KCNMB2: variants seen among roughly 807,000 people sequenced by gnomAD.
The protein encoded by KCNMB2 is potassium calcium-activated channel subfamily M regulatory beta subunit 2.
In KCNMB2, 9 loss-of-function variants were observed where a neutral mutation model predicts 24.5. That is an observed-to-expected ratio of 0.37 (90% CI 0.22 to 0.64). The LOEUF (loss-of-function observed/expected upper bound fraction) is 0.64, where lower values mean the gene tolerates loss of function less well. Ranked by LOEUF, KCNMB2 falls within the 30% of genes least tolerant of loss-of-function variation. The probability of loss-of-function intolerance (pLI) is 0.63; values close to 1 mark genes in which losing one functional copy is unlikely to be tolerated. For missense variants in KCNMB2, 226 were observed against 284.3 expected (o/e 0.79, Z 1.47); for synonymous variants, 109 against 104.4 (o/e 1.04, Z -0.27).
intron 1 of KCNMB2, chr3:178,747,160 T>A (rs1232917924): frequency 2.0e-5 from 3 of 152,748 alleles, no homozygotes; most frequent in African/African-American, 7.2e-5. Context: ...CAGTTCCACA[T>A]GGCTGGGGAA....
At chr3:178,744,077 G>C (rs894378814) in intron 1 of KCNMB2, among the ~76,000 whole-genome samples, 1 of 152,188 alleles carries the variant, frequency 6.6e-6, no homozygotes, top group African/African-American at 2.4e-5. Context: ...TTAACTACCT[G>C]CAGAGATGGA....
intron 1 of KCNMB2, among the ~76,000 whole-genome samples, chr3:178,727,208 T>C (rs1722993952): frequency 6.6e-6 from 1 of 152,112 alleles, no homozygotes; most frequent in Non-Finnish European, 1.5e-5. Context: ...TCAATACATA[T>C]TGCTCTCATC....
chr3:178,641,239 G>T lies in KCNMB2; in HGVS notation c.-68+104528G>T, dbSNP rs575176435. ...GTCAATATCTACAAAACAGCTTCCTGGAATTTTGACTGATATTGTGTTAAC... is the reference window on the plus strand; with the variant it reads ...GTCAATATCTACAAAACAGCTTCCTTGAATTTTGACTGATATTGTGTTAAC... On this transcript the variant is annotated intron_variant, in intron 1 of 4. Transcript: ENST00000452583. Among the ~76,000 whole-genome samples the T allele has an allele frequency of 5.9e-5, 9 of 152,122 alleles. No homozygotes were observed. The South Asian group carries it at 1.0e-3, about 18-fold the overall frequency.
intron 2 of KCNMB2, among the ~76,000 whole-genome samples, chr3:178,814,031 G>A (rs1714306117): frequency 1.3e-5 from 2 of 152,070 alleles, no homozygotes; most frequent in Non-Finnish European, 2.9e-5. Flanking sequence ...GGAGGTACAT[G>A]TGCAAGATTT....
At chr3:178,676,753 G>T (rs150425914) in intron 1 of KCNMB2, among the ~76,000 whole-genome samples, 10 of 150,194 alleles carry the variant, frequency 6.7e-5, no homozygotes, top group Non-Finnish European at 1.3e-4. Context: ...CAATATACTT[G>T]CATGCTACAC....
chr3:178,736,361 C>A (rs985490803), intron 1 of KCNMB2, among the ~76,000 whole-genome samples: 1 of 152,132 alleles, frequency 6.6e-6, no homozygotes, highest in African/African-American at 2.4e-5. Context: ...CTTTAAAGGG[C>A]CTGCTTCTGA....
intron 2 of KCNMB2, among the ~76,000 whole-genome samples, chr3:178,815,993 G>A (rs188795862): frequency 6.6e-6 from 1 of 151,808 alleles, no homozygotes; most frequent in Admixed American, 6.5e-5. Context: ...GTATTGTTCT[G>A]ATTTGGTTTT....
intron 1 of KCNMB2, among the ~76,000 whole-genome samples, chr3:178,596,630 C>G (rs531386843): frequency 4.6e-5 from 7 of 152,168 alleles, no homozygotes; most frequent in African/African-American, 1.7e-4. Context: ...TTCTTTCTGC[C>G]TTAAAAGAGT....
At chr3:178,617,461 G>A (rs1445951585) in intron 1 of KCNMB2, among the ~76,000 whole-genome samples, 1 of 152,046 alleles carries the variant, frequency 6.6e-6, no homozygotes, top group African/African-American at 2.4e-5. Context: ...AGGAGGCTGA[G>A]GCAGGAGAAT....
intron 1 of KCNMB2, among the ~76,000 whole-genome samples, chr3:178,785,950 A>G (rs922907229): frequency 6.6e-6 from 1 of 152,176 alleles, no homozygotes; most frequent in Non-Finnish European, 1.5e-5. Context: ...AGACAAGAGT[A>G]TTAAGACTCA....
intron 1 of KCNMB2, among the ~76,000 whole-genome samples, chr3:178,644,899 CTAGAT>C: frequency 6.6e-6 from 1 of 152,112 alleles, no homozygotes; most frequent in Non-Finnish European, 1.5e-5. Flanking sequence ...CCAAACCGAA[CTAGAT>C]TAGATTAAAT....
At chr3:178,748,395 C>A (rs1192171636) in intron 1 of KCNMB2, 2 of 152,172 alleles carry the variant, frequency 1.3e-5, no homozygotes, top group Non-Finnish European at 2.9e-5. Context: ...CACAGCTCTG[C>A]CAACTCACAG....
At chr3:178,740,286 T>A (rs1050129088) in intron 1 of KCNMB2, among the ~76,000 whole-genome samples, 1 of 151,840 alleles carries the variant, frequency 6.6e-6, no homozygotes, top group Non-Finnish European at 1.5e-5. Context: ...ACCTGGCTAA[T>A]TTTTTTGTAT....
intron 1 of KCNMB2, among the ~76,000 whole-genome samples, chr3:178,801,626 G>C (rs1713779835): frequency 2.0e-5 from 3 of 152,170 alleles, no homozygotes; most frequent in Admixed American, 2.0e-4. Context: ...AGAAATGGAA[G>C]GAGCAGCTAG....
intron 1 of KCNMB2, among the ~76,000 whole-genome samples, chr3:178,570,093 T>C (rs1221473205): frequency 6.6e-6 from 1 of 152,200 alleles, no homozygotes; most frequent in Non-Finnish European, 1.5e-5. Flanking sequence ...GCATTGGCTC[T>C]TTCTCCTATG....
chr3:178,554,594 A>G (rs999422132), intron 1 of KCNMB2, among the ~76,000 whole-genome samples: 1 of 152,188 alleles, frequency 6.6e-6, no homozygotes, highest in African/African-American at 2.4e-5. Flanking sequence ...ATTTAATTCA[A>G]TTCTTTTTAA....
At chr3:178,782,561 A>G (rs1232319626) in intron 1 of KCNMB2, among the ~76,000 whole-genome samples, 1 of 145,784 alleles carries the variant, frequency 6.9e-6, no homozygotes, top group Non-Finnish European at 1.5e-5. Context: ...GCATTTTTTC[A>G]TGTGTTTTTT....
intron 1 of KCNMB2, among the ~76,000 whole-genome samples, chr3:178,594,154 T>C (rs12497665): frequency 0.18 from 28,026 of 151,662 alleles, 3,257 homozygotes; most frequent in African/African-American, 0.32. Context: ...GATTAGGTGG[T>C]AGACAGAAAA....
At chr3:178,542,001 G>A (rs1359114778) in intron 1 of KCNMB2, among the ~76,000 whole-genome samples, 1 of 152,094 alleles carries the variant, frequency 6.6e-6, no homozygotes, top group Non-Finnish European at 1.5e-5. Context: ...ATTGGAATTA[G>A]TTTATCCTGT....
Sources: gnomAD v4.1 joint callset for allele counts (sites outside exome capture counted in the v4.1 genomes callset) on GRCh38, gnomAD v4.1.1 for gene constraint, MANE v1.5 for transcripts, NCBI Gene and HGNC (gene_info 2026-07-23, HGNC 2026-07-21) for gene names.